Variants in CDIN1 observed in about 807,000 individuals in gnomAD.
CDIN1 encodes the protein CDAN1 interacting nuclease 1, also known as CDAN1-interacting nuclease 1.
Under a neutral mutation model 45.3 loss-of-function variants are expected in CDIN1, and 33 were observed. The ratio of observed to expected loss-of-function variants is 0.73; its 90% confidence interval spans 0.55 to 0.97. The LOEUF is 0.97. CDIN1 is among the 50% of genes least tolerant of loss of function. The pLI, the probability that CDIN1 is intolerant of heterozygous loss-of-function variation, is 0.00. For missense variants in CDIN1, 303 were observed against 339.4 expected (o/e 0.89, Z 0.84); for synonymous variants, 118 against 124.4 (o/e 0.95, Z 0.34).
In CDIN1 at chr15:36,701,122, GTAGATAGATAGA is replaced by G. The variant is rs200063950; in HGVS notation, c.544+3775_544+3786del. Among the ~76,000 whole-genome samples the G allele has an allele frequency of 6.3e-3, 656 of 103,858 alleles. 7 individuals carry two copies. Among genetic ancestry groups the G allele is most frequent in the South Asian group, 0.023 (72 of 3,080 alleles). 68.1% of individuals were successfully genotyped at this position (103,858 alleles called of 152,430 possible). A position where few individuals can be genotyped will look rare whatever the true frequency, so the allele number is the denominator to read the frequency against. ...GGTAGATAGATAGATAGATAGGTAG[GTAGATAGATAGA>G]TAGATAGATAGATAGATAGATAGAT... On this transcript the variant is annotated intron_variant, in intron 8 of 10. Coordinates refer to ENST00000566621, the MANE Select transcript of CDIN1 (RefSeq NM_001321759.2).
intron 1 of CDIN1, among the ~76,000 whole-genome samples, chr15:36,628,974 G>A (rs1477493222): frequency 1.3e-5 from 2 of 152,152 alleles, no homozygotes; most frequent in East Asian, 3.9e-4. Flanking sequence ...AGAGAGATTT[G>A]AAGATGCTGA....
At chr15:36,627,206 A>G in intron 1 of CDIN1, 1 of 190,068 alleles carries the variant, frequency 5.3e-6, no homozygotes, top group Non-Finnish European at 1.2e-5. Flanking sequence ...ATAGCTGCTG[A>G]GGTCGAAGCC....
At chr15:36,639,484 G>T (rs909365615) in intron 1 of CDIN1, among the ~76,000 whole-genome samples, 1 of 151,968 alleles carries the variant, frequency 6.6e-6, no homozygotes, top group African/African-American at 2.4e-5. Context: ...AGCTATTCTG[G>T]AGGCTGAGAC....
At chr15:36,704,011 A>G (rs746128029) in intron 8 of CDIN1, among the ~76,000 whole-genome samples, 5 of 152,170 alleles carry the variant, frequency 3.3e-5, no homozygotes, top group Non-Finnish European at 7.4e-5. Context: ...CCTGTCCTGT[A>G]TCTTTTTATT....
At chr15:36,681,129 C>A (rs145282132) in intron 5 of CDIN1, among the ~76,000 whole-genome samples, 72 of 151,736 alleles carry the variant, frequency 4.7e-4, no homozygotes, top group African/African-American at 1.4e-3. Context: ...AGTATAAAAT[C>A]TAAACATTTT....
intron 10 of CDIN1, among the ~76,000 whole-genome samples, chr15:36,726,967 T>C (rs1340221025): frequency 6.6e-6 from 1 of 152,222 alleles, no homozygotes; most frequent in Admixed American, 6.5e-5. Flanking sequence ...ATTCTATATA[T>C]ATCTTTCCCT....
intron 1 of CDIN1, among the ~76,000 whole-genome samples, chr15:36,636,296 T>C (rs1459518683): frequency 2.0e-5 from 3 of 152,194 alleles, no homozygotes; most frequent in Non-Finnish European, 2.9e-5. Flanking sequence ...CTCACGCCTG[T>C]AATCCCAGCA....
intron 1 of CDIN1, chr15:36,618,603 T>C: frequency 1.2e-6 from 1 of 824,886 alleles, no homozygotes; most frequent in Non-Finnish European, 2.2e-6. Context: ...TGTCTGATGT[T>C]GTTAAAGGTG....
At chr15:36,679,001 G>C (rs1219849518) in intron 5 of CDIN1, among the ~76,000 whole-genome samples, 1 of 152,154 alleles carries the variant, frequency 6.6e-6, no homozygotes, top group Non-Finnish European at 1.5e-5. Context: ...CCTTAGCTGG[G>C]GGAAAATTCT....
intron 5 of CDIN1, among the ~76,000 whole-genome samples, chr15:36,688,550 A>G (rs532807527): frequency 2.0e-5 from 3 of 152,286 alleles, no homozygotes; most frequent in African/African-American, 7.2e-5. Context: ...TAATCCTGGA[A>G]TGGCAGAGGC....
At chr15:36,686,572 A>AG (rs1393280224) in intron 5 of CDIN1, among the ~76,000 whole-genome samples, 1 of 151,378 alleles carries the variant, frequency 6.6e-6, no homozygotes, top group African/African-American at 2.4e-5. Context: ...TAAAAAAAAA[A>AG]AAAAAGAAAA....
At chr15:36,797,994 T>C (rs1443858885) in intron 10 of CDIN1, among the ~76,000 whole-genome samples, 3 of 130,330 alleles carry the variant, frequency 2.3e-5, no homozygotes, top group African/African-American at 9.3e-5. Context: ...AAAAAAAGAC[T>C]TTCCTTCATT....
intron 10 of CDIN1, among the ~76,000 whole-genome samples, chr15:36,781,280 T>C (rs2054345901): frequency 6.6e-6 from 1 of 152,190 alleles, no homozygotes; most frequent in Non-Finnish European, 1.5e-5. Flanking sequence ...TACTCATATT[T>C]GCTTGTAGAA....
At chr15:36,803,186 C>G (rs2055107075) in intron 10 of CDIN1, among the ~76,000 whole-genome samples, 2 of 151,332 alleles carry the variant, frequency 1.3e-5, no homozygotes, top group Non-Finnish European at 2.9e-5. Context: ...CCAAGTTTAC[C>G]AAAACAATAG....
chr15:36,800,937 A>ATATATATATATATATATATATG (rs2055023073), intron 10 of CDIN1, among the ~76,000 whole-genome samples: 1 of 127,528 alleles, frequency 7.8e-6, no homozygotes, highest in Non-Finnish European at 1.7e-5. Context: ...ATATATATAT[A>ATATATATATATATATATATATG]TATATATGAT....
intron 10 of CDIN1, among the ~76,000 whole-genome samples, chr15:36,775,363 G>T (rs2054192486): frequency 6.6e-6 from 1 of 152,194 alleles, no homozygotes. Context: ...AAGTGCACAT[G>T]TTCCTGATTT....
intron 10 of CDIN1, among the ~76,000 whole-genome samples, chr15:36,726,177 T>C (rs772444065): frequency 2.0e-5 from 3 of 152,212 alleles, no homozygotes; most frequent in Non-Finnish European, 2.9e-5. Context: ...GTTTTACTCA[T>C]ATCACTGCAC....
Position 36,644,335 on chromosome 15 carries a change from T to A in CDIN1, c.147+12T>A. 1 of 1,612,526 alleles carries A rather than the reference T, an allele frequency of 6.2e-7. No individual in the cohort carries two copies. On this transcript the variant is annotated intron_variant, in intron 2 of 10. Coordinates refer to ENST00000566621, the MANE Select transcript of CDIN1 (RefSeq NM_001321759.2). ...CCCAGGAGTACCAGGTTAGAAGTTTTCTCCTTTGTGAGGGTTGACAGGTGC... is the reference window on the plus strand; with the variant it reads ...CCCAGGAGTACCAGGTTAGAAGTTTACTCCTTTGTGAGGGTTGACAGGTGC...
chr15:36,663,637 C>T (rs1281836582), intron 5 of CDIN1, among the ~76,000 whole-genome samples: 4 of 152,176 alleles, frequency 2.6e-5, no homozygotes, highest in African/African-American at 7.2e-5. Context: ...CCACCATCAT[C>T]GTGCTGAACT....
Sources: gnomAD v4.1 joint callset for allele counts (sites outside exome capture counted in the v4.1 genomes callset) on GRCh38, gnomAD v4.1.1 for gene constraint, MANE v1.5 for transcripts, NCBI Gene and HGNC (gene_info 2026-07-23, HGNC 2026-07-21) for gene names.